Variants in SCEL observed in about 807,000 individuals in gnomAD.
SCEL encodes sciellin.
A neutral mutation model predicts 117.6 loss-of-function variants in SCEL; 113 were observed. The ratio of observed to expected loss-of-function variants is 0.96; its 90% CI spans 0.83 to 1.12. The LOEUF is 1.12. Ranked by LOEUF, SCEL falls within the 50% of genes most tolerant of loss-of-function variation. The pLI, the probability that SCEL is intolerant of heterozygous loss-of-function variation, is 0.00. For missense variants in SCEL, 785 were observed against 810.8 expected (o/e 0.97, Z 0.39); for synonymous variants, 270 against 256.2 (o/e 1.05, Z -0.51).
intron 8 of SCEL, among the ~76,000 whole-genome samples, chr13:77,570,248 C>G (rs2085519249): frequency 6.6e-6 from 1 of 152,152 alleles, no homozygotes; most frequent in Non-Finnish European, 1.5e-5. Context: ...TTTTTTCCTT[C>G]AACAAAATTC....
At chr13:77,562,885 T>C (rs1049928979) in intron 4 of SCEL, among the ~76,000 whole-genome samples, 1 of 152,238 alleles carries the variant, frequency 6.6e-6, no homozygotes, top group Admixed American at 6.5e-5. Flanking sequence ...CTAGTCTTAG[T>C]ACTTATTCTA....
intron 22 of SCEL, 106 bp from the exon 23 acceptor site, chr13:77,612,785 A>C (rs1192322166): frequency 1.7e-6 from 1 of 605,074 alleles, no homozygotes; most frequent in Non-Finnish European, 2.8e-6. Flanking sequence ...TTAAGTATAG[A>C]TGAAGTTTTA....
At chr13:77,569,668 G>A (rs151198466) in intron 8 of SCEL, among the ~76,000 whole-genome samples, 9 of 152,250 alleles carry the variant, frequency 5.9e-5, no homozygotes, top group South Asian at 2.1e-4. Context: ...GATAGAGCTC[G>A]CATGTTAAAT....
chr13:77,637,685 G>A (rs755962717), intron 30 of SCEL, among the ~76,000 whole-genome samples: 17 of 152,050 alleles, frequency 1.1e-4, no homozygotes, highest in Non-Finnish European at 1.9e-4. Context: ...CATTATTAGC[G>A]TTTAGGCTTC....
chr13:77,615,996 ATGTCTCTCTG>A (rs1246468614), intron 24 of SCEL, among the ~76,000 whole-genome samples: 1 of 125,274 alleles, frequency 8.0e-6, no homozygotes, highest in Non-Finnish European at 1.6e-5. Flanking sequence ...CATAAAATTT[ATGTCTCTCTG>A]TGTGTGTGTG....
At chr13:77,600,820 A>C (rs1460295168) in intron 15 of SCEL, among the ~76,000 whole-genome samples, 1 of 152,206 alleles carries the variant, frequency 6.6e-6, no homozygotes, top group Non-Finnish European at 1.5e-5. Flanking sequence ...TTGGTTAGTC[A>C]TGAAATTTGC....
chr13:77,602,181 T>A, intron 16 of SCEL, 57 bp downstream of exon 16: 2 of 1,393,158 alleles, frequency 1.4e-6, no homozygotes, highest in Non-Finnish European at 2.0e-6. Context: ...CTTTTTTACC[T>A]CATTAGGAAT....
intron 30 of SCEL, among the ~76,000 whole-genome samples, chr13:77,638,719 AC>A (rs1312032079): frequency 1.3e-5 from 2 of 152,144 alleles, no homozygotes; most frequent in Non-Finnish European, 2.9e-5. Flanking sequence ...TTCCCATGTA[AC>A]CAGATAAAGT....
chr13:77,602,098 T>C lies in SCEL; in HGVS notation c.951T>C (p.Asn317=). 2 of 1,611,716 alleles carry C rather than the reference T, an allele frequency of 1.2e-6. No individual in the cohort carries two copies. The highest frequency in any genetic ancestry group is 1.7e-6 in the Non-Finnish European group (2 of 1,179,040). The change falls in exon 16 of 33, where the codon AAT becomes AAC. Residue 317 remains asparagine, a synonymous_variant. Transcript: ENST00000349847. ...IQSLGSPIKV[N]QRTDKNEKGR... ...GCCTTGGAAGTCCGATTAAAGTTAA[T>C]CAAAGGACTGACAAAAATGAGAAAG...
intron 15 of SCEL, among the ~76,000 whole-genome samples, chr13:77,600,874 A>G (rs1481812622): frequency 2.0e-5 from 3 of 152,178 alleles, no homozygotes; most frequent in Non-Finnish European, 4.4e-5. Flanking sequence ...GTTATTTTTA[A>G]AAACCATTTA....
chr13:77,640,011 A>G (rs2090485020), intron 30 of SCEL, among the ~76,000 whole-genome samples: 1 of 152,130 alleles, frequency 6.6e-6, no homozygotes, highest in Non-Finnish European at 1.5e-5. Flanking sequence ...ACAAATATTT[A>G]GTATTTGTTA....
intron 23 of SCEL, among the ~76,000 whole-genome samples, 199 bp downstream of exon 23, chr13:77,613,140 T>C (rs1012269079): frequency 1.3e-5 from 2 of 152,138 alleles, no homozygotes; most frequent in African/African-American, 4.8e-5. Context: ...TAGAAAATTA[T>C]AATATTGAAG....
chr13:77,579,235 C>G (rs1283647697), intron 9 of SCEL, among the ~76,000 whole-genome samples: 2 of 152,144 alleles, frequency 1.3e-5, no homozygotes, highest in African/African-American at 4.8e-5. Context: ...TCTCATTTAG[C>G]AATTAATTGT....
chr13:77,565,823 G>A (rs1439936248), intron 5 of SCEL, among the ~76,000 whole-genome samples: 1 of 152,174 alleles, frequency 6.6e-6, no homozygotes, highest in African/African-American at 2.4e-5. Flanking sequence ...GAGACAGTGG[G>A]TTATAACTAA....
intron 19 of SCEL, among the ~76,000 whole-genome samples, chr13:77,607,530 G>A (rs1594104900): frequency 6.6e-6 from 1 of 152,124 alleles, no homozygotes; most frequent in African/African-American, 2.4e-5. Flanking sequence ...AGCAATTACT[G>A]GGTTGCATAT....
At chr13:77,585,849 A>G (rs956025891) in intron 9 of SCEL, among the ~76,000 whole-genome samples, 8 of 152,024 alleles carry the variant, frequency 5.3e-5, no homozygotes, top group African/African-American at 1.9e-4. Context: ...CTCCCCTCTG[A>G]ATGATCTCCC....
intron 27 of SCEL, among the ~76,000 whole-genome samples, chr13:77,619,733 GGTGGAT>G (rs1056486909): frequency 6.6e-6 from 1 of 152,058 alleles, no homozygotes; most frequent in African/African-American, 2.4e-5. Flanking sequence ...GCATTTGTTG[GGTGGAT>G]TTTTCTTTTT....
intron 1 of SCEL, among the ~76,000 whole-genome samples, chr13:77,544,256 T>C (rs1277728992): frequency 6.6e-6 from 1 of 152,220 alleles, no homozygotes; most frequent in African/African-American, 2.4e-5. Context: ...CTGCTGCACA[T>C]CTTTTTTTCT....
chr13:77,612,009 A>G (rs2088670095), intron 22 of SCEL, among the ~76,000 whole-genome samples: 1 of 152,184 alleles, frequency 6.6e-6, no homozygotes, highest in South Asian at 2.1e-4. Flanking sequence ...ATTATTTTTG[A>G]CCAACAAAAT....
Sources: allele counts gnomAD v4.1 joint callset (sites outside exome capture counted in the v4.1 genomes callset), GRCh38; gene constraint gnomAD v4.1.1; transcripts MANE v1.5; gene names NCBI Gene and HGNC (gene_info 2026-07-23, HGNC 2026-07-21).